GPC6: variants seen among roughly 807,000 people sequenced by gnomAD.
GPC6 encodes glypican-6.
Under a neutral mutation model 55.2 loss-of-function variants are expected in GPC6, and 14 were observed. The ratio of observed to expected loss-of-function variants is 0.25; its 90% confidence interval spans 0.17 to 0.40. The LOEUF (loss-of-function observed/expected upper bound fraction) is 0.40. Among genes scored for constraint, GPC6 ranks in the 10% least tolerant of loss-of-function variants. The pLI is 1.00. For synonymous variants in GPC6, 278 were observed against 259.6 expected, an observed-to-expected ratio of 1.07 and a Z score of -0.68; for missense variants, 641 against 708.5, an observed-to-expected ratio of 0.90 and a Z score of 1.08.
intron 1 of GPC6, among the ~76,000 whole-genome samples, chr13:93,303,672 A>AT (rs974554333): frequency 6.6e-6 from 1 of 152,036 alleles, no homozygotes; most frequent in Non-Finnish European, 1.5e-5. Flanking sequence ...ATTACATACA[A>AT]TTTTTTTAAA....
intron 2 of GPC6, among the ~76,000 whole-genome samples, chr13:93,674,849 TGGC>T (rs1467489325): frequency 2.0e-5 from 3 of 151,414 alleles, no homozygotes; most frequent in Non-Finnish European, 1.5e-5. Context: ...CTAAATGACT[TGGC>T]TGCTTCATGT....
intron 6 of GPC6, 25 bp downstream of exon 6, chr13:94,306,148 A>G: frequency 1.2e-6 from 2 of 1,613,658 alleles, no homozygotes; most frequent in Admixed American, 1.7e-5. Context: ...ATTGATAACC[A>G]TGGCGGATGC....
At chr13:94,269,192 T>C (rs1891912876) in intron 4 of GPC6, among the ~76,000 whole-genome samples, 1 of 152,238 alleles carries the variant, frequency 6.6e-6, no homozygotes, top group African/African-American at 2.4e-5. Context: ...CTTTTGAATC[T>C]GGATAATGAC....
chr13:93,898,944 T>TAA lies in GPC6; in HGVS notation c.711+68400_711+68401insAA, dbSNP rs571206101. Among the ~76,000 whole-genome samples the TAA allele has an allele frequency of 5.3e-3, 669 of 127,090 alleles. 8 individuals are homozygous for TAA. The highest frequency in any genetic ancestry group is 0.022 in the African/African-American group (640 of 29,534). The allele number at this position is 127,090 out of a possible 152,430, so 83.4% of individuals were successfully genotyped here. The stretch of plus-strand genomic sequence containing the variant: ...TATATAAAAATATTATATATAAATA[T>TAA]ATATATATATATATATATATATACA... On this transcript the variant is annotated intron_variant, in intron 3 of 8. Transcript: ENST00000377047.
intron 3 of GPC6, among the ~76,000 whole-genome samples, chr13:93,963,795 C>G (rs1311786432): frequency 6.6e-6 from 1 of 152,128 alleles, no homozygotes; most frequent in African/African-American, 2.4e-5. Context: ...AATTTTCAAA[C>G]AGAATTTCAA....
At chr13:93,588,961 A>G (rs1310825619) in intron 2 of GPC6, among the ~76,000 whole-genome samples, 1 of 152,168 alleles carries the variant, frequency 6.6e-6, no homozygotes, top group African/African-American at 2.4e-5. Context: ...GAAGAGTGCT[A>G]CAGGGGGTTA....
intron 1 of GPC6, among the ~76,000 whole-genome samples, chr13:93,263,518 C>T (rs1877221690): frequency 6.6e-6 from 1 of 152,134 alleles, no homozygotes; most frequent in African/African-American, 2.4e-5. Flanking sequence ...GCGTGTGCCT[C>T]CACTCCCGGG....
chr13:93,999,190 C>G (rs1271548698), intron 3 of GPC6, among the ~76,000 whole-genome samples: 1 of 152,154 alleles, frequency 6.6e-6, no homozygotes, highest in Non-Finnish European at 1.5e-5. Context: ...AGCTCCCCAG[C>G]CCTCGACAGG....
At chr13:93,638,120 A>T (rs903671099) in intron 2 of GPC6, among the ~76,000 whole-genome samples, 1 of 152,142 alleles carries the variant, frequency 6.6e-6, no homozygotes, top group Admixed American at 6.6e-5. Context: ...ATTGTAGCTT[A>T]TAGCTAAAAC....
At chr13:93,229,312 T>C (rs557480854) in intron 1 of GPC6, among the ~76,000 whole-genome samples, 1 of 152,246 alleles carries the variant, frequency 6.6e-6, no homozygotes, top group African/African-American at 2.4e-5. Context: ...GGATCACTTC[T>C]TCTAGGAACT....
chr13:94,091,600 C>T (rs1239892223), intron 4 of GPC6, among the ~76,000 whole-genome samples: 1 of 152,086 alleles, frequency 6.6e-6, no homozygotes, highest in African/African-American at 2.4e-5. Flanking sequence ...ATGTAGCCAG[C>T]CCAAGTCGAC....
chr13:94,033,304 G>C (rs1383133678), intron 4 of GPC6, among the ~76,000 whole-genome samples: 2 of 152,124 alleles, frequency 1.3e-5, no homozygotes, highest in African/African-American at 4.8e-5. Context: ...TTGTAAATTA[G>C]AGCCAGCCAC....
chr13:93,796,087 T>C (rs1053330307), intron 2 of GPC6, among the ~76,000 whole-genome samples: 13 of 151,016 alleles, frequency 8.6e-5, no homozygotes, highest in Admixed American at 4.6e-4. Flanking sequence ...TCCCAGCTAA[T>C]TGGGAGGCTG....
At chr13:93,986,333 C>T (rs1390903587) in intron 3 of GPC6, among the ~76,000 whole-genome samples, 1 of 152,074 alleles carries the variant, frequency 6.6e-6, no homozygotes, top group Non-Finnish European at 1.5e-5. Flanking sequence ...GATAGTTCAC[C>T]AAATGCATTT....
intron 3 of GPC6, among the ~76,000 whole-genome samples, chr13:93,840,231 A>G (rs1230561013): frequency 6.6e-6 from 1 of 152,218 alleles, no homozygotes; most frequent in Non-Finnish European, 1.5e-5. Context: ...AAGAAAATCC[A>G]AATAACCACA....
intron 5 of GPC6, among the ~76,000 whole-genome samples, chr13:94,304,812 C>A (rs2139110001): frequency 6.6e-6 from 1 of 152,318 alleles, no homozygotes; most frequent in African/African-American, 2.4e-5. Context: ...CCATAGCAAT[C>A]TTAATTGTGA....
intron 2 of GPC6, among the ~76,000 whole-genome samples, chr13:93,626,762 A>G (rs112830459): frequency 0.041 from 6,244 of 150,746 alleles, 440 homozygotes; most frequent in African/African-American, 0.15. Context: ...AGATCACACC[A>G]TTGCACTCCA....
chr13:93,356,842 G>A (rs891584246), intron 1 of GPC6, among the ~76,000 whole-genome samples: 2 of 152,144 alleles, frequency 1.3e-5, no homozygotes, highest in African/African-American at 4.8e-5. Flanking sequence ...ACATGGAATT[G>A]ACTTGTTGGG....
intron 1 of GPC6, among the ~76,000 whole-genome samples, chr13:93,311,384 C>G (rs1400318068): frequency 6.6e-6 from 1 of 152,146 alleles, no homozygotes; most frequent in African/African-American, 2.4e-5. Context: ...TCTCCCAATC[C>G]CCCTGTGAAT....
Sources: allele counts gnomAD v4.1 joint callset (sites outside exome capture counted in the v4.1 genomes callset), GRCh38; gene constraint gnomAD v4.1.1; transcripts MANE v1.5; gene names NCBI Gene and HGNC (gene_info 2026-07-23, HGNC 2026-07-21).